Variants in TNFAIP8 observed in about 807,000 individuals in gnomAD.
TNFAIP8 encodes TNF alpha induced protein 8.
Under a neutral mutation model 13.3 loss-of-function variants are expected in TNFAIP8, and 7 were observed. The observed-to-expected ratio is 0.52, with a 90% CI of 0.30 to 0.99. The LOEUF (loss-of-function observed/expected upper bound fraction) is 0.99, where lower values mean the gene tolerates loss of function less well. TNFAIP8 is among the 50% of genes least tolerant of loss of function. TNFAIP8 has a pLI of 0.07. For synonymous variants in TNFAIP8, 94 were observed against 87.6 expected (o/e 1.07, Z -0.41); for missense variants, 258 against 236.9 (o/e 1.09, Z -0.58).
intron 1 of TNFAIP8, among the ~76,000 whole-genome samples, chr5:119,296,533 T>G (rs975656583): frequency 6.6e-6 from 1 of 152,200 alleles, no homozygotes; most frequent in Non-Finnish European, 1.5e-5. Context: ...TTTGCCAGTA[T>G]TTTATTGAGG....
chr5:119,295,181 C>T (rs139634226), intron 1 of TNFAIP8, among the ~76,000 whole-genome samples: 51 of 43,684 alleles, frequency 1.2e-3, no homozygotes, highest in African/African-American at 3.4e-3. Context: ...TTAGGTCTAA[C>T]GTTTAGTCTA....
intron 1 of TNFAIP8, among the ~76,000 whole-genome samples, chr5:119,313,011 A>G (rs1027223567): frequency 6.6e-6 from 1 of 152,172 alleles, no homozygotes; most frequent in Non-Finnish European, 1.5e-5. Flanking sequence ...TATTATTATA[A>G]TCCTTACTTG....
At chr5:119,281,581 A>G (rs1267289597) in intron 1 of TNFAIP8, among the ~76,000 whole-genome samples, 1 of 152,196 alleles carries the variant, frequency 6.6e-6, no homozygotes, top group African/African-American at 2.4e-5. Flanking sequence ...ATTACCAGCT[A>G]TGATTACTGA....
intron 1 of TNFAIP8, among the ~76,000 whole-genome samples, chr5:119,299,978 G>A (rs183115199): frequency 7.8e-4 from 119 of 152,318 alleles, no homozygotes; most frequent in Non-Finnish European, 1.4e-3. Context: ...CAGTATTAGC[G>A]TGGGAGTGAC....
At chr5:119,382,614 T>G (rs917456759) in intron 1 of TNFAIP8, among the ~76,000 whole-genome samples, 1 of 152,254 alleles carries the variant, frequency 6.6e-6, no homozygotes, top group Admixed American at 6.5e-5. Context: ...TTATATTTGG[T>G]GCTGTTCTAA....
intron 1 of TNFAIP8, among the ~76,000 whole-genome samples, chr5:119,364,240 T>C (rs1250083237): frequency 6.6e-6 from 1 of 152,178 alleles, no homozygotes; most frequent in Non-Finnish European, 1.5e-5. Context: ...ACAGGTAAGT[T>C]TGAAAGAGGC....
chr5:119,284,681 G>GA (rs200160390), intron 1 of TNFAIP8, among the ~76,000 whole-genome samples: 1,771 of 138,640 alleles, frequency 0.013, 20 homozygotes, highest in African/African-American at 0.038. Context: ...GCTCCATCTA[G>GA]AAAAAAAAAA....
At chr5:119,315,537 A>T (rs973198801) in intron 1 of TNFAIP8, among the ~76,000 whole-genome samples, 1 of 152,230 alleles carries the variant, frequency 6.6e-6, no homozygotes, top group Non-Finnish European at 1.5e-5. Flanking sequence ...TGATGAGAAT[A>T]CTGTAGCCAC....
intron 1 of TNFAIP8, among the ~76,000 whole-genome samples, chr5:119,391,851 A>G (rs1752904830): frequency 6.6e-6 from 1 of 151,978 alleles, no homozygotes; most frequent in Admixed American, 6.6e-5. Flanking sequence ...ATAAACATTT[A>G]TTGAGCATTT....
chr5:119,375,350 C>A lies in TNFAIP8; in HGVS notation c.32-17466C>A, dbSNP rs542978624. Among the ~76,000 whole-genome samples the A allele has an allele frequency of 2.0e-5, 3 of 152,270 alleles. No individual in the cohort carries two copies. In the South Asian group the frequency reaches 6.2e-4, roughly 32 times the overall value. Reference sequence around the variant, plus strand: ...GGTGAGATGTGGAGTGGTGGACTTTCTTTTAGAGTAACGAGTGAGTAGGTG... The same window carrying A: ...GGTGAGATGTGGAGTGGTGGACTTTATTTTAGAGTAACGAGTGAGTAGGTG... On this transcript the variant is annotated intron_variant, in intron 1 of 1. Transcript: ENST00000504771.
chr5:119,377,010 ATGTT>A (rs761290480), intron 1 of TNFAIP8, among the ~76,000 whole-genome samples: 14 of 152,034 alleles, frequency 9.2e-5, no homozygotes, highest in African/African-American at 2.7e-4. Flanking sequence ...GTATTTATAT[ATGTT>A]TGTTTGTTTG....
intron 1 of TNFAIP8, among the ~76,000 whole-genome samples, chr5:119,302,484 G>T (rs1477701525): frequency 6.6e-6 from 1 of 152,094 alleles, no homozygotes; most frequent in Admixed American, 6.6e-5. Context: ...AAATTCACCT[G>T]TCTTTGGGAA....
upstream of TNFAIP8, chr5:119,355,429 C>T (rs912096777): frequency 1.4e-6 from 1 of 698,988 alleles, no homozygotes; most frequent in Admixed American, 2.0e-5. Context: ...TTCAAAAGGC[C>T]CCGCTCTGGG....
intron 1 of TNFAIP8, chr5:119,306,694 A>AT (rs1749577570): frequency 6.6e-6 from 1 of 151,874 alleles, no homozygotes; most frequent in African/African-American, 2.4e-5. Flanking sequence ...CCTAGGAGTG[A>AT]TTTTCCCAAA....
At chr5:119,278,383 G>A (rs1286554281) in intron 1 of TNFAIP8, among the ~76,000 whole-genome samples, 1 of 71,360 alleles carries the variant, frequency 1.4e-5, no homozygotes, top group Non-Finnish European at 2.7e-5. Context: ...GAGAGTGTGT[G>A]TGTGTGTGTG....
intron 1 of TNFAIP8, among the ~76,000 whole-genome samples, chr5:119,388,748 G>T (rs970909361): frequency 6.6e-6 from 1 of 151,996 alleles, no homozygotes; most frequent in Non-Finnish European, 1.5e-5. Flanking sequence ...CTGGGCTCGG[G>T]CAGTCCTCCC....
chr5:119,292,804 C>T (rs550216859), intron 1 of TNFAIP8, among the ~76,000 whole-genome samples: 1 of 151,252 alleles, frequency 6.6e-6, no homozygotes, highest in South Asian at 2.1e-4. Context: ...ATGCAAAAGG[C>T]TACATACTGT....
intron 1 of TNFAIP8, among the ~76,000 whole-genome samples, chr5:119,360,262 G>T (rs1156384052): frequency 1.3e-5 from 2 of 152,252 alleles, no homozygotes; most frequent in African/African-American, 4.8e-5. Flanking sequence ...GAAAAACTCA[G>T]GACCCAGCGA....
chr5:119,313,514 G>C (rs1449263070), intron 1 of TNFAIP8, among the ~76,000 whole-genome samples: 1 of 152,136 alleles, frequency 6.6e-6, no homozygotes, highest in African/African-American at 2.4e-5. Flanking sequence ...ATAGGCACGG[G>C]CTTTGACATT....
Sources: allele counts gnomAD v4.1 joint callset (sites outside exome capture counted in the v4.1 genomes callset), GRCh38; gene constraint gnomAD v4.1.1; transcripts MANE v1.5; gene names NCBI Gene and HGNC (gene_info 2026-07-23, HGNC 2026-07-21).